LILRA1: variants seen among roughly 807,000 people sequenced by gnomAD.
LILRA1 encodes the protein leukocyte immunoglobulin-like receptor subfamily A member 1.
Under a neutral mutation model 51.6 loss-of-function variants are expected in LILRA1, and 51 were observed. The observed-to-expected ratio is 0.99, with a 90% CI of 0.79 to 1.25. The LOEUF (loss-of-function observed/expected upper bound fraction) is 1.25, where lower values mean the gene tolerates loss of function less well. Ranked by LOEUF, LILRA1 falls within the 50% of genes most tolerant of loss-of-function variation. The pLI is 0.00. For missense variants in LILRA1, 660 were observed against 611.7 expected, an observed-to-expected ratio of 1.08 and a Z score of -0.83; for synonymous variants, 305 against 248.4, an observed-to-expected ratio of 1.23 and a Z score of -2.14.
rs1939874202 is a variant in LILRA1 at position 54,600,868 on chromosome 19, G to A, written c.*51G>A. ...AGAGAAGAATGTACCCTTCAGAGTG[G>A]TGGAGCCTTGGGAACAGATCTGATG... is the stretch of plus-strand genomic sequence containing the variant. On this transcript the variant is annotated 3_prime_UTR_variant, in exon 10 of 10. Transcript: ENST00000251372. 1.2e-6 allele frequency: 2 copies of A among 1,601,770 alleles called. No individual in the cohort carries two copies. The highest frequency in any genetic ancestry group is 2.7e-5 in the African/African-American group (2 of 74,622).
chr19:54,594,856 A>G lies in LILRA1; in HGVS notation c.262A>G (p.Ile88Val), dbSNP rs372235251. 21 of 1,614,034 alleles carry G rather than the reference A, an allele frequency of 1.3e-5. No homozygotes were observed. Among genetic ancestry groups the G allele is most frequent in the Non-Finnish European group, 1.6e-5 (19 of 1,180,018 alleles). Residue 88 changes from isoleucine to valine, a missense_variant, in exon 4 of 10, where the codon ATC (isoleucine) becomes GTC (valine). Transcript: ENST00000251372. ...GAAGGGCCAGTTCCCCATCCCATCCATCACCTGGGAACACACAGGGCGGTA... is the reference window on the plus strand; with the variant it reads ...GAAGGGCCAGTTCCCCATCCCATCCGTCACCTGGGAACACACAGGGCGGTA... ...VKKGQFPIPS[I>V]TWEHTGRYRC...
chr19:54,600,931 C>A lies in LILRA1; in HGVS notation c.*114C>A. On this transcript the variant is annotated 3_prime_UTR_variant, in exon 10 of 10. Coordinates refer to ENST00000251372, the MANE Select transcript of LILRA1 (RefSeq NM_006863.4). ...TCCGGGAGACAATTTAGGGCTGATG[C>A]TATCTGGACTGTCTGCCAATCATTT... is the stretch of plus-strand genomic sequence containing the variant. The A allele has an allele frequency of 8.8e-7, 1 of 1,134,258 alleles. No individual in the cohort carries two copies. Among genetic ancestry groups the A allele is most frequent in the Non-Finnish European group, 1.3e-6 (1 of 751,482 alleles). 70.3% of individuals were successfully genotyped at this position (1,134,258 alleles called of 1,614,324 possible).
rs2063027355 is a variant in LILRA1, at chr19:54,595,681, T to C, written c.704T>C (p.Ile235Thr). 6 of 1,613,928 alleles carry C rather than the reference T, an allele frequency of 3.7e-6. No individual in the cohort carries two copies. Among genetic ancestry groups the C allele is most frequent in the Middle Eastern group, 1.7e-4 (1 of 6,058 alleles). The change falls in exon 6 of 10, where the codon ATA (isoleucine) becomes ACA (threonine). Residue 235 changes from isoleucine (I) to threonine (T), a missense_variant. Physicochemically the swap from Ile to Thr is moderately conservative, Grantham distance 89. Transcript: ENST00000251372. ...KPSLSVQPGP[I>T]VAPGESLTLQ... ...TCACTCTCAGTGCAGCCAGGTCCTA[T>C]AGTGGCCCCTGGGGAGAGCCTGACC... is the stretch of plus-strand genomic sequence containing the variant.
At position 54,601,674 on chromosome 19, in the gene LILRA1, A is replaced by AG. The variant is rs2063163049; in HGVS notation, c.*857_*858insG. 6.6e-6 allele frequency: 1 copy of AG among 152,268 alleles called. No homozygotes were observed. Among genetic ancestry groups the AG allele is most frequent in the South Asian group, 2.1e-4 (1 of 4,836 alleles). 9.4% of individuals were successfully genotyped at this position (152,268 alleles called of 1,614,324 possible). ...CAGTGTGTTGGTGATCCACGAAAGG[A>AG]AAATCACGGAAGCAGGATAGAAATC... On this transcript the variant is annotated 3_prime_UTR_variant, in exon 10 of 10. Transcript: ENST00000251372.
chr19:54,594,163 G>A (rs1352402186), intron 1 of LILRA1, 34 bp from the exon 2 acceptor site: 58 of 1,090,994 alleles, frequency 5.3e-5, no homozygotes, highest in Non-Finnish European at 7.5e-5. Context: ...AAGGAGGGGA[G>A]GCTATTTCTC....
chr19:54,594,268 G>C lies in LILRA1; in HGVS notation c.24G>C (p.Leu8=), dbSNP rs1283900921. The C allele has an allele frequency of 3.7e-6, 6 of 1,612,292 alleles. No individual in the cohort carries two copies. Among genetic ancestry groups the C allele is most frequent in the Non-Finnish European group, 4.2e-6 (5 of 1,179,420 alleles). Residue 8 remains leucine (L), a synonymous_variant, in exon 2 of 10, where the codon CTG becomes CTC. Transcript: ENST00000251372. MTPIVTV[L]ICLRLSLGPR... ...CTATGACCCCCATCGTCACAGTCCT[G>C]ATCTGTCTCAGTGAGATTTGAAGAG... is the stretch of plus-strand genomic sequence containing the variant.
At chr19:54,599,207 T>C (rs371926669) in intron 7 of LILRA1, 29 bp from the exon 8 acceptor site, 21 of 1,540,590 alleles carry the variant, frequency 1.4e-5, no homozygotes, top group Admixed American at 1.7e-5. Context: ...CCTCTGAATA[T>C]GTCTCTTCTC....
chr19:54,598,361 T>C (rs1414098431), intron 7 of LILRA1, among the ~76,000 whole-genome samples: 1 of 152,166 alleles, frequency 6.6e-6, no homozygotes, highest in African/African-American at 2.4e-5. Flanking sequence ...GTCTTCCTCC[T>C]GTACATATTA....
At position 54,595,894 on chromosome 19, in the gene LILRA1, A is replaced by C. The variant is rs781544903; in HGVS notation, c.917A>C (p.Glu306Ala). ...RCSGAYNLSS[E>A]WSAPSDPLDI... is the part of the protein sequence containing the mutation. ...TCCGGTGCATACAACCTCTCCTCCG[A>C]GTGGTCGGCCCCCAGCGACCCCCTG... is the stretch of plus-strand genomic sequence containing the variant. Residue 306 changes from glutamate to alanine, a missense_variant, in exon 6 of 10, where the codon GAG (glutamate) becomes GCG (alanine). Transcript: ENST00000251372. 1.4e-5 allele frequency: 22 copies of C among 1,613,454 alleles called. No individual in the cohort carries two copies. In the East Asian group the frequency reaches 4.5e-4, roughly 33 times the overall value.
At position 54,600,538 on chromosome 19, in the gene LILRA1, C is replaced by A. The variant is rs1196266931; in HGVS notation, c.1339C>A (p.Gln447Lys). The change falls in exon 9 of 10, where the codon CAA becomes AAA. Residue 447 changes from glutamine to lysine, a missense_variant. Coordinates refer to ENST00000251372, the MANE Select transcript of LILRA1 (RefSeq NM_006863.4). ...AGAANTLSPS[Q>K]NKTASHPQDY... is the part of the protein sequence containing the mutation. Reference sequence around the variant, plus strand: ...AGCAGCTAACACCCTCAGCCCATCACAAAACAAGACTGGTGAGTGAGGAGA... The same window carrying A: ...AGCAGCTAACACCCTCAGCCCATCAAAAAACAAGACTGGTGAGTGAGGAGA... The A allele has an allele frequency of 2.5e-6, 4 of 1,613,998 alleles. No homozygotes were observed. The highest frequency in any genetic ancestry group is 2.5e-6 in the Non-Finnish European group (3 of 1,180,024).
rs777546908 is a variant in LILRA1 at position 54,594,747 on chromosome 19, G to A, written c.153G>A (p.Gly51=). 1.9e-6 allele frequency: 3 copies of A among 1,614,120 alleles called. No homozygotes were observed. Among genetic ancestry groups the A allele is most frequent in the Non-Finnish European group, 2.5e-6 (3 of 1,179,992 alleles). The change falls in exon 4 of 10, where the codon GGG becomes GGA. Residue 51 remains glycine (G), a synonymous_variant. Coordinates refer to ENST00000251372, the MANE Select transcript of LILRA1 (RefSeq NM_006863.4). ...QGSPVTLWCQ[G]ILETQEYRLY... ...GTCCCGTGACCCTCTGGTGTCAGGG[G>A]ATCCTGGAGACCCAGGAGTACCGTC...
Position 54,594,849 on chromosome 19 carries a change from C to G in LILRA1, c.255C>G (p.Ile85Met). Reference sequence around the variant, plus strand: ...TTGTGAAGAAGGGCCAGTTCCCCATCCCATCCATCACCTGGGAACACACAG... The same window carrying G: ...TTGTGAAGAAGGGCCAGTTCCCCATGCCATCCATCACCTGGGAACACACAG... ...QEIVKKGQFPIPSITWEHTGR... is the reference protein window; with the variant it reads ...QEIVKKGQFPMPSITWEHTGR... Residue 85 changes from isoleucine (I) to methionine (M), a missense_variant, in exon 4 of 10, where the codon ATC becomes ATG. Transcript: ENST00000251372. 50 of 1,614,156 alleles carry G rather than the reference C, an allele frequency of 3.1e-5. No homozygotes were observed. Among genetic ancestry groups the G allele is most frequent in the Non-Finnish European group, 4.2e-5 (50 of 1,180,002 alleles).
At chr19:54,599,127 C>T in intron 7 of LILRA1, 109 bp from the exon 8 acceptor site, 1 of 1,286,362 alleles carries the variant, frequency 7.8e-7, no homozygotes, top group Non-Finnish European at 1.0e-6. Context: ...ACCCAGGACA[C>T]CCACCTCTCC....
chr19:54,598,146 T>C (rs1006908648), intron 7 of LILRA1, among the ~76,000 whole-genome samples: 3 of 152,030 alleles, frequency 2.0e-5, no homozygotes, highest in Admixed American at 6.5e-5. Context: ...ATTTCTACAC[T>C]GTATTTTCTG....
chr19:54,598,898 C>A (rs1436511707), intron 7 of LILRA1, among the ~76,000 whole-genome samples: 1 of 152,136 alleles, frequency 6.6e-6, no homozygotes, highest in Non-Finnish European at 1.5e-5. Context: ...CAGTTTCAAG[C>A]AATTCTCCTG....
chr19:54,595,855 G>A lies in LILRA1; in HGVS notation c.878G>A (p.Gly293Asp), dbSNP rs752664548. 2.5e-6 allele frequency: 4 copies of A among 1,614,144 alleles called. No individual in the cohort carries two copies. The highest frequency in any genetic ancestry group is 1.3e-5 in the African/African-American group (1 of 75,058). Residue 293 changes from glycine to aspartate, a missense_variant, in exon 6 of 10, where the codon GGC becomes GAC. Coordinates refer to ENST00000251372, the MANE Select transcript of LILRA1 (RefSeq NM_006863.4). ...TLGPVSRSYG[G>D]QYRCSGAYNL... is the part of the protein sequence containing the mutation. The stretch of plus-strand genomic sequence containing the variant: ...GGCCCTGTGAGCCGCTCCTACGGGG[G>A]CCAGTACAGATGCTCCGGTGCATAC...
intron 8 of LILRA1, among the ~76,000 whole-genome samples, chr19:54,600,092 C>T (rs1381145243): frequency 6.6e-6 from 1 of 152,132 alleles, no homozygotes; most frequent in Non-Finnish European, 1.5e-5. Flanking sequence ...ACTTTCACCC[C>T]TTTGTGCTTC....
intron 7 of LILRA1, 26 bp from the exon 8 acceptor site, chr19:54,599,210 C>T (rs1204812138): frequency 1.9e-6 from 3 of 1,543,976 alleles, no homozygotes; most frequent in African/African-American, 2.7e-5. Context: ...CTGAATATGT[C>T]TCTTCTCCTC....
intron 7 of LILRA1, 60 bp downstream of exon 7, chr19:54,596,551 A>G (rs1402876985): frequency 6.2e-7 from 1 of 1,603,042 alleles, no homozygotes; most frequent in African/African-American, 1.3e-5. Flanking sequence ...CCTGCCCCCC[A>G]GGAGAGCTCT....
Sources: gnomAD v4.1 joint callset for allele counts (sites outside exome capture counted in the v4.1 genomes callset) on GRCh38, gnomAD v4.1.1 for gene constraint, MANE v1.5 for transcripts, NCBI Gene and HGNC (gene_info 2026-07-23, HGNC 2026-07-21) for gene names.